Variants in SNX4 observed in about 807,000 individuals in gnomAD.
SNX4 encodes the protein sorting nexin 4.
A neutral mutation model predicts 70.8 loss-of-function variants in SNX4; 49 were observed. The observed-to-expected ratio is 0.69, with a 90% CI of 0.55 to 0.88. SNX4 has a LOEUF of 0.88. SNX4 is among the 40% of genes least tolerant of loss of function. The pLI is 0.00. For synonymous variants in SNX4, 206 were observed against 183.8 expected (o/e 1.12, Z -0.98); for missense variants, 528 against 544.8 (o/e 0.97, Z 0.31).
chr3:125,510,891 G>C (rs2107572040), intron 1 of SNX4, among the ~76,000 whole-genome samples: 1 of 152,244 alleles, frequency 6.6e-6, no homozygotes, highest in Middle Eastern at 3.4e-3. Flanking sequence ...CCATCAAGAT[G>C]GTAAATTTTA....
chr3:125,476,600 A>T lies in SNX4; in HGVS notation c.788+95T>A, dbSNP rs990144423. 5 of 780,464 alleles carry T rather than the reference A, an allele frequency of 6.4e-6. No homozygotes were observed. The African/African-American group carries it at 9.0e-5, about 14-fold the overall frequency. 48.3% of individuals were successfully genotyped at this position (780,464 alleles called of 1,614,324 possible). Reference sequence around the variant, plus strand: ...ACAAAAACAAACAAAAAAAGAAATAATCTTCTCTCCACACTCATAAATGTT... The same window carrying T: ...ACAAAAACAAACAAAAAAAGAAATATTCTTCTCTCCACACTCATAAATGTT... On this transcript the variant is annotated intron_variant, in intron 8 of 13. Coordinates refer to ENST00000251775, the MANE Select transcript of SNX4 (RefSeq NM_003794.4).
intron 1 of SNX4, among the ~76,000 whole-genome samples, chr3:125,508,145 T>C (rs1156780755): frequency 6.6e-6 from 1 of 152,220 alleles, no homozygotes; most frequent in Non-Finnish European, 1.5e-5. Context: ...CAAAGCAATC[T>C]ATATATTCGA....
intron 1 of SNX4, among the ~76,000 whole-genome samples, chr3:125,510,320 C>T (rs138823813): frequency 3.3e-5 from 5 of 152,024 alleles, no homozygotes; most frequent in East Asian, 3.9e-4. Flanking sequence ...CTCCGCCTTC[C>T]GGGTTCACGC....
chr3:125,499,144 G>C (rs1434098930), intron 2 of SNX4, among the ~76,000 whole-genome samples: 1 of 152,038 alleles, frequency 6.6e-6, no homozygotes, highest in Non-Finnish European at 1.5e-5. Flanking sequence ...ATTTACTTTT[G>C]GCAGAAAGTT....
At chr3:125,497,448 A>G (rs1580002326) in intron 4 of SNX4, 60 bp from the exon 5 acceptor site, 1 of 1,073,688 alleles carries the variant, frequency 9.3e-7, no homozygotes, top group African/African-American at 1.6e-5. Flanking sequence ...CAAATTAAGT[A>G]AATTAAATTT....
intron 1 of SNX4, among the ~76,000 whole-genome samples, chr3:125,510,319 C>T (rs1255319164): frequency 6.6e-6 from 1 of 151,662 alleles, no homozygotes; most frequent in Non-Finnish European, 1.5e-5. Context: ...GCTCCGCCTT[C>T]CGGGTTCACG....
intron 2 of SNX4, among the ~76,000 whole-genome samples, chr3:125,499,113 T>A (rs1934871326): frequency 6.6e-6 from 1 of 152,204 alleles, no homozygotes; most frequent in African/African-American, 2.4e-5. Context: ...CAATGCCATG[T>A]CTCATACATA....
intron 9 of SNX4, among the ~76,000 whole-genome samples, chr3:125,461,271 T>C (rs777000557): frequency 1.3e-5 from 2 of 152,090 alleles, no homozygotes; most frequent in Non-Finnish European, 2.9e-5. Context: ...CAATTCTAAG[T>C]GTGGCCCACA....
chr3:125,448,662 T>TTTTTTCC (rs1933490514), intron 13 of SNX4, among the ~76,000 whole-genome samples: 1 of 148,350 alleles, frequency 6.7e-6, no homozygotes, highest in Non-Finnish European at 1.5e-5. Context: ...AACTTAAGGG[T>TTTTTTCC]TTTTTCCTTT....
intron 9 of SNX4, among the ~76,000 whole-genome samples, chr3:125,462,396 C>A (rs962187005): frequency 2.0e-5 from 3 of 151,784 alleles, no homozygotes; most frequent in East Asian, 1.9e-4. Flanking sequence ...TCGAGACCAG[C>A]CTGGGCAACA....
chr3:125,480,337 TA>T lies in SNX4; in HGVS notation c.654-19del, dbSNP rs1299533115. ...TAAATCTCCTGAAACAGGAAACAAA[TA>T]AAACATCGTTTTTCAAATGAAAACA... On this transcript the variant is annotated intron_variant, in intron 6 of 13. Coordinates refer to ENST00000251775, the MANE Select transcript of SNX4 (RefSeq NM_003794.4). The T allele has an allele frequency of 1.4e-6, 2 of 1,458,306 alleles. No individual in the cohort carries two copies. The highest frequency in any genetic ancestry group is 1.8e-6 in the Non-Finnish European group (2 of 1,088,178). 90.3% of individuals were successfully genotyped at this position (1,458,306 alleles called of 1,614,324 possible). A position where few individuals can be genotyped will look rare whatever the true frequency, so the allele number is the denominator to read the frequency against.
In SNX4 at chr3:125,469,460, A is replaced by G. The variant is rs1400231989; in HGVS notation, c.848T>C (p.Met283Thr). ...AAGTTCTCGAGGTACTTACACATCCATATGATGACCAGCACTCTGCAGTCC... is the reference window on the plus strand; with the variant it reads ...AAGTTCTCGAGGTACTTACACATCCGTATGATGACCAGCACTCTGCAGTCC... ...GDGLQSAGHH[M>T]DVYASSIDDI... The change falls in exon 9 of 14, where the codon ATG becomes ACG. Residue 283 changes from methionine (M) to threonine (T), a missense_variant. Met to Thr is a moderately conservative substitution (Grantham distance 81). Around this residue, in one of 3 missense-constraint regions of SNX4, gnomAD observed 28 missense variants for 60.0 expected, o/e 0.47. Coordinates refer to ENST00000251775, the MANE Select transcript of SNX4 (RefSeq NM_003794.4). 2 of 1,612,528 alleles carry G rather than the reference A, an allele frequency of 1.2e-6. No individual in the cohort carries two copies. Among genetic ancestry groups the G allele is most frequent in the South Asian group, 1.1e-5 (1 of 91,034 alleles).
chr3:125,516,662 GAA>G (rs1935291031), intron 1 of SNX4, among the ~76,000 whole-genome samples: 1 of 152,170 alleles, frequency 6.6e-6, no homozygotes, highest in Non-Finnish European at 1.5e-5. Flanking sequence ...CCAACATGGT[GAA>G]ACCCCCTCTT....
intron 9 of SNX4, among the ~76,000 whole-genome samples, chr3:125,462,005 A>C (rs771236410): frequency 1.3e-5 from 2 of 152,124 alleles, no homozygotes; most frequent in Non-Finnish European, 2.9e-5. Context: ...AGACTCCCTC[A>C]ATGTCATCCC....
At chr3:125,470,452 G>A (rs1259643417) in intron 8 of SNX4, among the ~76,000 whole-genome samples, 2 of 149,976 alleles carry the variant, frequency 1.3e-5, no homozygotes, top group Non-Finnish European at 3.0e-5. Flanking sequence ...TATACTCTTA[G>A]TATAGATGAA....
At position 125,453,801 on chromosome 3, in the gene SNX4, C is replaced by A. The variant is rs201026102; in HGVS notation, c.1190+9G>T. ...AGCCTAGCTTACTTAAACATCGCAG[C>A]ATCTTTACCTGCCTTCCAGATTTTT... On this transcript the variant is annotated intron_variant, in intron 12 of 13. Coordinates refer to ENST00000251775, the MANE Select transcript of SNX4 (RefSeq NM_003794.4). 5.6e-6 allele frequency: 9 copies of A among 1,613,184 alleles called. No individual in the cohort carries two copies. Among genetic ancestry groups the A allele is most frequent in the South Asian group, 3.3e-5 (3 of 90,910 alleles).
At chr3:125,507,766 T>A (rs908361641) in intron 1 of SNX4, among the ~76,000 whole-genome samples, 1 of 152,114 alleles carries the variant, frequency 6.6e-6, no homozygotes, top group Non-Finnish European at 1.5e-5. Flanking sequence ...GAATCCTATA[T>A]CTAGCAAACT....
chr3:125,514,452 C>A (rs1045596541), intron 1 of SNX4, among the ~76,000 whole-genome samples: 4 of 145,690 alleles, frequency 2.7e-5, no homozygotes. Flanking sequence ...AGTGCAGTGG[C>A]ATGATCACAG....
intron 9 of SNX4, among the ~76,000 whole-genome samples, chr3:125,464,926 G>C (rs1173376028): frequency 6.6e-6 from 1 of 151,782 alleles, no homozygotes; most frequent in Non-Finnish European, 1.5e-5. Context: ...TATATTTTTA[G>C]TAGAGACAGG....
Sources: allele counts gnomAD v4.1 joint callset (sites outside exome capture counted in the v4.1 genomes callset), GRCh38; gene constraint gnomAD v4.1.1; regional missense constraint gnomAD v4.1.1; transcripts MANE v1.5; gene names NCBI Gene and HGNC (gene_info 2026-07-23, HGNC 2026-07-21).